The following BBS9 variants were observed in gnomAD, a reference collection of about 807,000 sequenced individuals.
BBS9 encodes protein PTHB1.
In BBS9, 89 loss-of-function variants were observed where a neutral mutation model predicts 117.7. The observed-to-expected ratio is 0.76, with a 90% CI of 0.64 to 0.90. The LOEUF (loss-of-function observed/expected upper bound fraction) is 0.90. Ranked by LOEUF, BBS9 falls within the 40% of genes least tolerant of loss-of-function variation. The pLI is 0.00. For synonymous variants in BBS9, 379 were observed against 370.9 expected (o/e 1.02, Z -0.25); for missense variants, 982 against 1,042.2 (o/e 0.94, Z 0.80).
chr7:33,233,218 G>C (rs1353358233), intron 5 of BBS9, among the ~76,000 whole-genome samples: 1 of 151,834 alleles, frequency 6.6e-6, no homozygotes, highest in African/African-American at 2.4e-5. Flanking sequence ...ATTTATTTTT[G>C]TTTTTATTCT....
chr7:33,600,257 C>CG (rs1181537185), intron 21 of BBS9, among the ~76,000 whole-genome samples: 1 of 152,088 alleles, frequency 6.6e-6, no homozygotes, highest in East Asian at 1.9e-4. Context: ...ATTGAAAGGG[C>CG]TTTTTTACGA....
chr7:33,518,176 A>G (rs1050927480), intron 20 of BBS9, among the ~76,000 whole-genome samples: 3 of 151,852 alleles, frequency 2.0e-5, no homozygotes, highest in Non-Finnish European at 4.4e-5. Context: ...ACAAATAATT[A>G]CTAAAGCACT....
intron 4 of BBS9, among the ~76,000 whole-genome samples, chr7:33,173,736 G>A (rs1019002512): frequency 1.3e-5 from 2 of 151,984 alleles, no homozygotes; most frequent in Non-Finnish European, 2.9e-5. Flanking sequence ...GTAATATTTT[G>A]CCATTTCTGT....
At chr7:33,429,544 G>A (rs575681634) in intron 19 of BBS9, among the ~76,000 whole-genome samples, 3 of 152,034 alleles carry the variant, frequency 2.0e-5, no homozygotes, top group Non-Finnish European at 2.9e-5. Context: ...AAATAGCATT[G>A]GTTTAGGAAA....
chr7:33,551,490 T>C (rs1854407937), intron 21 of BBS9, among the ~76,000 whole-genome samples: 1 of 152,146 alleles, frequency 6.6e-6, no homozygotes, highest in Non-Finnish European at 1.5e-5. Context: ...TATTAACTCA[T>C]GGAAAATCAC....
intron 5 of BBS9, among the ~76,000 whole-genome samples, chr7:33,209,559 A>G (rs1787619412): frequency 1.3e-5 from 2 of 152,208 alleles, no homozygotes; most frequent in Non-Finnish European, 2.9e-5. Flanking sequence ...ATTCCCATCA[A>G]TAGTGTTAGA....
At chr7:33,184,789 G>A (rs964703490) in intron 5 of BBS9, among the ~76,000 whole-genome samples, 9 of 152,316 alleles carry the variant, frequency 5.9e-5, no homozygotes, top group African/African-American at 1.9e-4. Context: ...AGAATTCAGG[G>A]CAAGTTCATA....
chr7:33,225,423 T>A (rs544679423), intron 5 of BBS9, among the ~76,000 whole-genome samples: 14 of 152,304 alleles, frequency 9.2e-5, no homozygotes, highest in Admixed American at 2.0e-4. Context: ...GGTCTTGAAC[T>A]CCTGGCCTCA....
chr7:33,154,410 C>T (rs146271214), intron 3 of BBS9, among the ~76,000 whole-genome samples: 222 of 152,248 alleles, frequency 1.5e-3, no homozygotes, highest in African/African-American at 5.0e-3. Context: ...ACAGTCTGTT[C>T]TAAACAGGCG....
intron 19 of BBS9, among the ~76,000 whole-genome samples, chr7:33,413,142 G>A (rs1195914724): frequency 2.0e-5 from 3 of 152,104 alleles, no homozygotes; most frequent in African/African-American, 7.2e-5. Context: ...CTGACTCAGA[G>A]AAAATACAGT....
chr7:33,517,542 G>A (rs1018881227), intron 20 of BBS9, among the ~76,000 whole-genome samples: 2 of 152,288 alleles, frequency 1.3e-5, no homozygotes, highest in African/African-American at 2.4e-5. Context: ...GCAGGAGTGA[G>A]CACCCGTTGC....
intron 5 of BBS9, among the ~76,000 whole-genome samples, chr7:33,211,777 G>A (rs1209659652): frequency 6.6e-6 from 1 of 152,060 alleles, no homozygotes; most frequent in Non-Finnish European, 1.5e-5. Flanking sequence ...GGACAGTTCT[G>A]GTGTTGAGGA....
chr7:33,332,313 A>G (rs991826427), intron 9 of BBS9, among the ~76,000 whole-genome samples: 3 of 152,214 alleles, frequency 2.0e-5, no homozygotes, highest in Admixed American at 6.5e-5. Context: ...AGATGAATCA[A>G]AGACTTAAAT....
At chr7:33,361,048 A>G (rs1820528809) in intron 16 of BBS9, among the ~76,000 whole-genome samples, 1 of 152,220 alleles carries the variant, frequency 6.6e-6, no homozygotes, top group African/African-American at 2.4e-5. Flanking sequence ...CTATATAGTA[A>G]TGATGATAAC....
intron 1 of BBS9, among the ~76,000 whole-genome samples, chr7:33,138,699 A>G (rs759749261): frequency 6.0e-5 from 9 of 151,084 alleles, no homozygotes; most frequent in Non-Finnish European, 1.0e-4. Flanking sequence ...CAGGGGTGCA[A>G]TCATGGCTCA....
chr7:33,572,455 T>C (rs1049001677), intron 21 of BBS9, among the ~76,000 whole-genome samples: 3 of 152,080 alleles, frequency 2.0e-5, no homozygotes, highest in Admixed American at 2.0e-4. Flanking sequence ...TGGATATATA[T>C]ACAGCAGTGG....
intron 5 of BBS9, among the ~76,000 whole-genome samples, chr7:33,213,274 C>T (rs1788379627): frequency 6.6e-6 from 1 of 152,196 alleles, no homozygotes; most frequent in Admixed American, 6.5e-5. Context: ...ACCACTGGCC[C>T]ACAGAAGTGT....
At chr7:33,440,586 T>C (rs1483131195) in intron 19 of BBS9, among the ~76,000 whole-genome samples, 4 of 152,208 alleles carry the variant, frequency 2.6e-5, no homozygotes, top group Non-Finnish European at 5.9e-5. Flanking sequence ...ATTGAGGCAG[T>C]GCTTAAAGGT....
At chr7:33,625,917 TAA>T (rs1865616453) in intron 21 of BBS9, among the ~76,000 whole-genome samples, 1 of 152,188 alleles carries the variant, frequency 6.6e-6, no homozygotes, top group South Asian at 2.1e-4. Flanking sequence ...GTCTGAAAAT[TAA>T]AAAGAGAAAT....
Sources: allele counts gnomAD v4.1 joint callset (sites outside exome capture counted in the v4.1 genomes callset), GRCh38; gene constraint gnomAD v4.1.1; transcripts MANE v1.5; gene names NCBI Gene and HGNC (gene_info 2026-07-23, HGNC 2026-07-21).